The following OSBPL9 variants were observed in gnomAD, a reference collection of about 807,000 sequenced individuals.
OSBPL9 encodes oxysterol binding protein like 9, also known as oxysterol-binding protein-related protein 9.
OSBPL9 carries 40 observed loss-of-function variants against 106.6 expected under a neutral mutation model. The ratio of observed to expected loss-of-function variants is 0.38; its 90% CI spans 0.29 to 0.49. OSBPL9 has a LOEUF of 0.49. Among genes scored for constraint, OSBPL9 ranks in the 20% least tolerant of loss-of-function variants. OSBPL9 has a pLI of 0.97. For missense variants in OSBPL9, 609 were observed against 887.2 expected, an observed-to-expected ratio of 0.69 and a Z score of 3.98; for synonymous variants, 269 against 295.4, an observed-to-expected ratio of 0.91 and a Z score of 0.92.
intron 1 of OSBPL9, among the ~76,000 whole-genome samples, chr1:51,647,495 T>C (rs1646238317): frequency 6.6e-6 from 1 of 152,240 alleles, no homozygotes; most frequent in Admixed American, 6.5e-5. Flanking sequence ...TCGTTAATTC[T>C]TTAAACATTT....
intron 4 of OSBPL9, among the ~76,000 whole-genome samples, chr1:51,721,740 A>C: frequency 6.6e-6 from 1 of 152,148 alleles, no homozygotes; most frequent in East Asian, 1.9e-4. Context: ...TTATATTTTC[A>C]TATCATGTAG....
At chr1:51,699,350 A>G (rs1449512428) in intron 3 of OSBPL9, among the ~76,000 whole-genome samples, 1 of 150,998 alleles carries the variant, frequency 6.6e-6, no homozygotes, top group Non-Finnish European at 1.5e-5. Context: ...ACATACCCCC[A>G]CTTTTTTCTT....
intron 3 of OSBPL9, among the ~76,000 whole-genome samples, chr1:51,702,254 A>C (rs1260569006): frequency 6.6e-6 from 1 of 152,234 alleles, no homozygotes; most frequent in East Asian, 1.9e-4. Context: ...ACTAGTTTAC[A>C]GTCCCACCAA....
At chr1:51,673,131 C>A (rs1374091539) in intron 3 of OSBPL9, among the ~76,000 whole-genome samples, 1 of 151,864 alleles carries the variant, frequency 6.6e-6, no homozygotes, top group Non-Finnish European at 1.5e-5. Flanking sequence ...AAGAAGCAAC[C>A]AAAAAGGAGG....
chr1:51,583,168 G>T (rs1045874848), intron 1 of OSBPL9, among the ~76,000 whole-genome samples: 1 of 152,070 alleles, frequency 6.6e-6, no homozygotes, highest in Non-Finnish European at 1.5e-5. Flanking sequence ...ACGTAGTAGG[G>T]TGTTATTTAA....
intron 2 of OSBPL9, among the ~76,000 whole-genome samples, chr1:51,662,249 G>A (rs748264824): frequency 2.6e-5 from 4 of 152,172 alleles, no homozygotes; most frequent in Non-Finnish European, 4.4e-5. Context: ...GAAAAGGGCT[G>A]TTGTTAAAGA....
rs1396854145 is a variant in OSBPL9, at chr1:51,760,848, G to T, written c.673+68G>T. On this transcript the variant is annotated intron_variant, in intron 10 of 23. Transcript: ENST00000428468. ...AATAATTTGTGTGGCTGTCATAGCA[G>T]TCTTAGCTATTACTGTTTATTTTTG... 4 of 1,519,144 alleles carry T rather than the reference G, an allele frequency of 2.6e-6. No individual in the cohort carries two copies. The African/African-American group carries it at 5.5e-5, about 21-fold the overall frequency. 94.1% of individuals were successfully genotyped at this position (1,519,144 alleles called of 1,614,324 possible).
chr1:51,587,208 T>C (rs1167916648), intron 1 of OSBPL9, among the ~76,000 whole-genome samples: 1 of 152,044 alleles, frequency 6.6e-6, no homozygotes. Context: ...CTACTAAAAA[T>C]ACAAAAATTA....
At chr1:51,523,287 A>T in the OSBPL9 span, among the ~76,000 whole-genome samples, 2 of 151,686 alleles carry the variant, frequency 1.3e-5, no homozygotes, top group African/African-American at 4.8e-5. Flanking sequence ...TATTTATTTT[A>T]TTTGAGACAG....
intron 4 of OSBPL9, among the ~76,000 whole-genome samples, chr1:51,744,392 T>A (rs1332024369): frequency 1.3e-5 from 2 of 152,174 alleles, no homozygotes; most frequent in Admixed American, 6.5e-5. Flanking sequence ...AGAAACCAGA[T>A]TTGCCAGCCC....
rs7514992 is a variant in OSBPL9 at position 51,707,798 on chromosome 1, G to A, written c.242-6205G>A. ...AAAGGACAGAGATGAAGACCCTTTTGGCTCTCCCCTCTAAGTGAGTCCCAG... is the reference window on the plus strand; with the variant it reads ...AAAGGACAGAGATGAAGACCCTTTTAGCTCTCCCCTCTAAGTGAGTCCCAG... On this transcript the variant is annotated intron_variant, in intron 3 of 23. Coordinates refer to ENST00000428468, the MANE Select transcript of OSBPL9 (RefSeq NM_024586.6). The A allele has an allele frequency of 7.9e-3, 1,361 of 173,104 alleles. 18 individuals are homozygous for A. The highest frequency in any genetic ancestry group is 0.031 in the African/African-American group (1,302 of 41,982). The allele number at this position is 173,104 out of a possible 1,614,324, so 10.7% of individuals were successfully genotyped here.
At chr1:51,667,323 T>A (rs1424287784) in intron 2 of OSBPL9, among the ~76,000 whole-genome samples, 1 of 152,212 alleles carries the variant, frequency 6.6e-6, no homozygotes, top group Non-Finnish European at 1.5e-5. Flanking sequence ...AATGTTTTCA[T>A]CACCTTGTAA....
chr1:51,540,676 T>G, the OSBPL9 span, among the ~76,000 whole-genome samples: 4 of 144,796 alleles, frequency 2.8e-5, no homozygotes, highest in Non-Finnish European at 4.6e-5. Flanking sequence ...ATTTTTTTTG[T>G]TGGCCAGGTG....
At chr1:51,770,985 G>A (rs1557845127) in intron 12 of OSBPL9, among the ~76,000 whole-genome samples, 1 of 152,124 alleles carries the variant, frequency 6.6e-6, no homozygotes, top group Non-Finnish European at 1.5e-5. Context: ...ATGTGTCAAT[G>A]TAGGCTCATT....
At chr1:51,667,147 A>G (rs923900855) in intron 2 of OSBPL9, among the ~76,000 whole-genome samples, 1 of 152,158 alleles carries the variant, frequency 6.6e-6, no homozygotes, top group Non-Finnish European at 1.5e-5. Context: ...TTGGGTTCTT[A>G]ATTAAGGAAC....
At position 51,765,987 on chromosome 1, in the gene OSBPL9, T is replaced by C; in HGVS notation, c.938+6T>C. ...TCCCCAAAGCGCTTAATAGAGTGAGTAGATGAACAGAATATGTATTTAAAT... is the reference window on the plus strand; with the variant it reads ...TCCCCAAAGCGCTTAATAGAGTGAGCAGATGAACAGAATATGTATTTAAAT... On this transcript the variant is annotated splice_donor_region_variant and intron_variant, in intron 12 of 23. Coordinates refer to ENST00000428468, the MANE Select transcript of OSBPL9 (RefSeq NM_024586.6). 1 of 1,595,958 alleles carries C rather than the reference T, an allele frequency of 6.3e-7. No individual in the cohort carries two copies.
chr1:51,665,435 C>T (rs1648223913), intron 2 of OSBPL9, among the ~76,000 whole-genome samples: 1 of 152,132 alleles, frequency 6.6e-6, no homozygotes, highest in Admixed American at 6.6e-5. Flanking sequence ...TGAGCCACTG[C>T]GCCCGGCCTG....
chr1:51,623,372 C>T (rs1386952484), intron 1 of OSBPL9, among the ~76,000 whole-genome samples: 3 of 151,948 alleles, frequency 2.0e-5, no homozygotes, highest in Admixed American at 1.3e-4. Flanking sequence ...ACAGTCAGGA[C>T]GCAAGGAGTA....
At chr1:51,530,179 A>AAAAAAAAAAAG in the OSBPL9 span, among the ~76,000 whole-genome samples, 1 of 114,122 alleles carries the variant, frequency 8.8e-6, no homozygotes, top group Non-Finnish European at 1.8e-5. Context: ...TCAAAAAAAA[A>AAAAAAAAAAAG]AAAAAAAAAA....
Sources: allele counts gnomAD v4.1 joint callset (sites outside exome capture counted in the v4.1 genomes callset), GRCh38; gene constraint gnomAD v4.1.1; transcripts MANE v1.5; gene names NCBI Gene and HGNC (gene_info 2026-07-23, HGNC 2026-07-21).